The following KLHL13 variants were observed in gnomAD, a reference collection of about 807,000 sequenced individuals.
The protein encoded by KLHL13 is kelch-like protein 13.
KLHL13 carries 10 observed loss-of-function variants against 37.1 expected under a neutral mutation model. That is an observed-to-expected ratio of 0.27 (90% CI 0.17 to 0.46). The LOEUF is 0.46. Among genes scored for constraint, KLHL13 ranks in the 20% least tolerant of loss-of-function variants. The probability of loss-of-function intolerance (pLI) is 1.00; values close to 1 mark genes in which losing one functional copy is unlikely to be tolerated. For synonymous variants in KLHL13, 163 were observed against 181.2 expected, an observed-to-expected ratio of 0.90 and a Z score of 0.81; for missense variants, 360 against 509.3, an observed-to-expected ratio of 0.71 and a Z score of 2.82.
intron 2 of KLHL13, among the ~76,000 whole-genome samples, chrX:117,930,238 A>AAGGG (rs1203876792): frequency 1.1e-3 from 91 of 80,929 alleles, no homozygotes; most frequent in Non-Finnish European, 1.5e-3. Flanking sequence ...GGAAGGAAGG[A>AAGGG]AGGGAGGAAG....
chrX:118,078,120 T>C (rs768255055), intron 1 of KLHL13, among the ~76,000 whole-genome samples: 7 of 111,849 alleles, frequency 6.3e-5, no homozygotes, highest in African/African-American at 2.3e-4. Context: ...ATTTAATTAG[T>C]AGACGCAGCA....
intron 1 of KLHL13, among the ~76,000 whole-genome samples, chrX:118,079,135 CAAA>C (rs1010894922): frequency 9.1e-6 from 1 of 109,469 alleles, no homozygotes; most frequent in Non-Finnish European, 1.9e-5. Flanking sequence ...TCATAAAATT[CAAA>C]AGAAAAGCAC....
intron 1 of KLHL13, among the ~76,000 whole-genome samples, chrX:118,040,436 C>G (rs1216835092): frequency 1.8e-5 from 2 of 111,437 alleles, no homozygotes; most frequent in African/African-American, 6.5e-5. Flanking sequence ...AAGAATGAGT[C>G]AGAGTCTCTC....
intron 1 of KLHL13, among the ~76,000 whole-genome samples, chrX:118,102,007 G>C (rs2055294585): frequency 1.8e-5 from 2 of 111,642 alleles, no homozygotes; most frequent in Non-Finnish European, 3.8e-5. Context: ...CAAGTAGCAA[G>C]TACAAATGTG....
intron 1 of KLHL13, among the ~76,000 whole-genome samples, chrX:118,075,895 T>C (rs1286622040): frequency 1.8e-5 from 2 of 112,114 alleles, no homozygotes; most frequent in African/African-American, 3.2e-5. Flanking sequence ...TGCTAGGTTC[T>C]ATTTCTGTGT....
chrX:118,078,886 G>C (rs1018945162), intron 1 of KLHL13, among the ~76,000 whole-genome samples: 2 of 111,355 alleles, frequency 1.8e-5, no homozygotes, highest in Non-Finnish European at 3.8e-5. Flanking sequence ...CATCAGCAAT[G>C]TATGAGAGTT....
intron 2 of KLHL13, among the ~76,000 whole-genome samples, chrX:117,934,179 G>A (rs1161199257): frequency 1.8e-5 from 2 of 110,807 alleles, no homozygotes; most frequent in African/African-American, 6.5e-5. Context: ...ACTACCTATT[G>A]GGTACTATGT....
At chrX:117,988,304 G>A (rs1372708455) in intron 1 of KLHL13, among the ~76,000 whole-genome samples, 2 of 111,882 alleles carry the variant, frequency 1.8e-5, no homozygotes, top group African/African-American at 6.5e-5. Context: ...TACTAGTCTA[G>A]TATAAATAAT....
At chrX:118,020,567 T>G (rs1003207455) in intron 1 of KLHL13, among the ~76,000 whole-genome samples, 4 of 110,994 alleles carry the variant, frequency 3.6e-5, no homozygotes, top group Non-Finnish European at 7.5e-5. Flanking sequence ...GTTCAACCAT[T>G]GTGGAAGTCA....
rs180937594 is a variant in KLHL13 at position 117,983,593 on chromosome X, T to C, written c.-55-38018A>G. 5.0e-4 allele frequency: 451 copies of C among 894,447 alleles called. 1 individual carries two copies. The African/African-American group carries it at 7.2e-3, about 14-fold the overall frequency. 73.7% of individuals were successfully genotyped at this position (894,447 alleles called of 1,213,427 possible). A position where few individuals can be genotyped will look rare whatever the true frequency, so the allele number is the denominator to read the frequency against. On this transcript the variant is annotated intron_variant, in intron 1 of 6. Coordinates refer to the KLHL13 transcript ENST00000371882. Reference sequence around the variant, plus strand: ...AACCTGGTTAATTGTAGTTTTATTATATTTAGTTCAAATTTTTCAAAGCAT... The same window carrying C: ...AACCTGGTTAATTGTAGTTTTATTACATTTAGTTCAAATTTTTCAAAGCAT...
At chrX:118,073,762 T>C (rs1199441260) in intron 1 of KLHL13, among the ~76,000 whole-genome samples, 1 of 111,811 alleles carries the variant, frequency 8.9e-6, no homozygotes, top group Non-Finnish European at 1.9e-5. Flanking sequence ...CAGCTTACTT[T>C]TGTAACTTTT....
intron 1 of KLHL13, among the ~76,000 whole-genome samples, chrX:118,072,309 C>T (rs1266887610): frequency 4.4e-5 from 5 of 112,831 alleles, no homozygotes; most frequent in Admixed American, 3.7e-4. Context: ...CCCTTCCTTA[C>T]ACCTTATACA....
intron 5 of KLHL13, among the ~76,000 whole-genome samples, chrX:117,905,344 A>C (rs1230613329): frequency 1.8e-5 from 2 of 112,105 alleles, no homozygotes; most frequent in African/African-American, 6.5e-5. Context: ...TATATGACAC[A>C]ATTTTGAAAG....
chrX:117,973,848 G>A (rs1412743124), upstream of KLHL13: 2 of 341,055 alleles, frequency 5.9e-6, no homozygotes, highest in East Asian at 5.2e-4. Context: ...TCCCTCCCCC[G>A]CAGACAGCTC....
intron 1 of KLHL13, among the ~76,000 whole-genome samples, chrX:118,058,798 A>G (rs1284457776): frequency 8.9e-6 from 1 of 112,011 alleles, no homozygotes; most frequent in Admixed American, 9.5e-5. Context: ...GAAAATTGAC[A>G]TCATTTTATA....
At chrX:117,985,132 TA>T in intron 1 of KLHL13, 2 of 519,586 alleles carry the variant, frequency 3.8e-6, no homozygotes, top group Non-Finnish European at 5.9e-6. Flanking sequence ...ACAATACATC[TA>T]AAATTGATTT....
intron 1 of KLHL13, among the ~76,000 whole-genome samples, chrX:118,088,461 T>C (rs184854756): frequency 1.8e-5 from 2 of 112,053 alleles, no homozygotes; most frequent in East Asian, 5.6e-4. Context: ...TTTATTACCC[T>C]TAACGCAAAC....
At chrX:117,997,934 T>C (rs2053874052) in intron 1 of KLHL13, among the ~76,000 whole-genome samples, 1 of 112,142 alleles carries the variant, frequency 8.9e-6, no homozygotes, top group African/African-American at 3.2e-5. Flanking sequence ...ATCACCACTT[T>C]GTATGGTACT....
chrX:118,085,951 T>A (rs2055050366), intron 1 of KLHL13, among the ~76,000 whole-genome samples: 1 of 109,922 alleles, frequency 9.1e-6, no homozygotes, highest in Non-Finnish European at 1.9e-5. Flanking sequence ...ATGGATTTTT[T>A]TTTTGAGACG....
Sources: allele counts gnomAD v4.1 joint callset (sites outside exome capture counted in the v4.1 genomes callset), GRCh38; gene constraint gnomAD v4.1.1; transcripts MANE v1.5; gene names NCBI Gene and HGNC (gene_info 2026-07-23, HGNC 2026-07-21).